SSBP3: variants seen among roughly 807,000 people sequenced by gnomAD.
The protein encoded by SSBP3 is single stranded DNA binding protein 3, also known as single-stranded DNA-binding protein 3.
In SSBP3, 5 loss-of-function variants were observed where a neutral mutation model predicts 69.6. The observed-to-expected ratio is 0.07, with a 90% CI of 0.04 to 0.15. The LOEUF (loss-of-function observed/expected upper bound fraction) is 0.15, where lower values mean the gene tolerates loss of function less well. SSBP3 is among the 10% of genes least tolerant of loss of function. The pLI is 1.00. For synonymous variants in SSBP3, 196 were observed against 193.4 expected (o/e 1.01, Z -0.11); for missense variants, 312 against 534.0 (o/e 0.58, Z 4.10).
intron 4 of SSBP3, among the ~76,000 whole-genome samples, chr1:54,396,973 C>T (rs986742398): frequency 1.3e-5 from 2 of 152,178 alleles, no homozygotes; most frequent in African/African-American, 4.8e-5. Context: ...AGTCTGGCAG[C>T]CTCTGGGGTT....
rs1206796216 is a variant in SSBP3, at chr1:54,240,097, CGCGTGTGCGTGCGCGCGCGCGCGCA to C, written c.856+783_856+807del. Among the ~76,000 whole-genome samples, 77 of 12,636 alleles carry C rather than the reference CGCGTGTGCGTGCGCGCGCGCGCGCA, an allele frequency of 6.1e-3. 5 individuals carry two copies. The South Asian group carries it at 0.19, about 31-fold the overall frequency. 8.3% of individuals were successfully genotyped at this position (12,636 alleles called of 152,430 possible). A position where few individuals can be genotyped will look rare whatever the true frequency, so the allele number is the denominator to read the frequency against. On this transcript the variant is annotated intron_variant, in intron 13 of 17. Coordinates refer to ENST00000610401, the Ensembl canonical transcript of SSBP3. ...GTGTGTGTGTGTGTGTGCGCGCGCGCGCGTGTGCGTGCGCGCGCGCGCGCAACACATGCCCACGTATGTGCACGCA... is the reference window on the plus strand; with the variant it reads ...GTGTGTGTGTGTGTGTGCGCGCGCGCACACATGCCCACGTATGTGCACGCA...
In SSBP3 at chr1:54,258,209, C is replaced by A; in HGVS notation, c.367-60G>T. On this transcript the variant is annotated intron_variant, in intron 5 of 17. Coordinates refer to ENST00000610401, the Ensembl canonical transcript of SSBP3. This position sits in a 1 kb window ranked among gnomAD's most constrained non-coding sequence, Gnocchi z 4.5. ...CACAGCACATGGAGAAGCGCAGAAGCAGCTTAAAAGAACAAAAATTAAACC... is the reference window on the plus strand; with the variant it reads ...CACAGCACATGGAGAAGCGCAGAAGAAGCTTAAAAGAACAAAAATTAAACC... 7.6e-7 allele frequency: 1 copy of A among 1,312,802 alleles called. No homozygotes were observed. The highest frequency in any genetic ancestry group is 1.0e-6 in the Non-Finnish European group (1 of 991,964). The allele number at this position is 1,312,802 out of a possible 1,614,324, so 81.3% of individuals were successfully genotyped here. A position where few individuals can be genotyped will look rare whatever the true frequency, so the allele number is the denominator to read the frequency against.
intron 4 of SSBP3, among the ~76,000 whole-genome samples, chr1:54,312,774 T>A (rs1646026613): frequency 6.6e-6 from 1 of 152,096 alleles, no homozygotes; most frequent in African/African-American, 2.4e-5. Flanking sequence ...CAAGCTTGGG[T>A]CCCACCTGGG....
At chr1:54,274,779 G>C (rs1645254974) in intron 5 of SSBP3, among the ~76,000 whole-genome samples, 1 of 152,080 alleles carries the variant, frequency 6.6e-6, no homozygotes, top group African/African-American at 2.4e-5. Flanking sequence ...CCCTTATTAG[G>C]AACCTTTCAT....
intron 14 of SSBP3, among the ~76,000 whole-genome samples, chr1:54,236,076 A>G (rs1444723967): frequency 2.6e-5 from 4 of 152,134 alleles, no homozygotes; most frequent in Admixed American, 6.5e-5. Flanking sequence ...AGTACTGGCA[A>G]AACAGTATAT....
chr1:54,334,736 G>A (rs1169633457), intron 4 of SSBP3, among the ~76,000 whole-genome samples: 10 of 152,124 alleles, frequency 6.6e-5, no homozygotes, highest in Admixed American at 4.6e-4. Flanking sequence ...TTCTCCTTGC[G>A]GACATGATAC....
chr1:54,408,028 T>G (rs987840974), upstream of SSBP3, among the ~76,000 whole-genome samples: 2 of 152,136 alleles, frequency 1.3e-5, no homozygotes, highest in African/African-American at 4.8e-5. Flanking sequence ...GGAAGGAGAC[T>G]CTGGGTGCAT....
chr1:54,275,376 C>T (rs547408693), intron 5 of SSBP3, among the ~76,000 whole-genome samples: 1 of 152,340 alleles, frequency 6.6e-6, no homozygotes, highest in East Asian at 1.9e-4. Context: ...CCAAGTCTCC[C>T]CTTGTCACAA....
chr1:54,406,058 C>CGCCGCT, exon 1 of SSBP3: 2 of 1,405,330 alleles, frequency 1.4e-6, no homozygotes, highest in Admixed American at 2.7e-5. Context: ...CCGCCGCCGC[C>CGCCGCT]GCTACCGCTC....
intron 5 of SSBP3, among the ~76,000 whole-genome samples, chr1:54,262,074 G>T (rs552068834): frequency 6.6e-6 from 1 of 152,310 alleles, no homozygotes; most frequent in East Asian, 1.9e-4. Context: ...TTTAGATGAA[G>T]AAATAGGGTT....
At chr1:54,288,540 G>A (rs1645533754) in intron 4 of SSBP3, among the ~76,000 whole-genome samples, 1 of 148,154 alleles carries the variant, frequency 6.7e-6, no homozygotes, top group Non-Finnish European at 1.5e-5. Context: ...AAGAGGGGCT[G>A]GAGAAGTGCC....
chr1:54,410,837 T>C (rs1011679040), upstream of SSBP3, among the ~76,000 whole-genome samples: 1 of 152,146 alleles, frequency 6.6e-6, no homozygotes, highest in Non-Finnish European at 1.5e-5. Context: ...TATTAGTCAG[T>C]GTTGGCTGAG....
chr1:54,376,001 G>A (rs1360763595), intron 4 of SSBP3, among the ~76,000 whole-genome samples: 1 of 152,176 alleles, frequency 6.6e-6, no homozygotes, highest in African/African-American at 2.4e-5. Flanking sequence ...GAGGGATACA[G>A]GGCAGGGAGG....
At chr1:54,319,309 G>T (rs180903367) in intron 4 of SSBP3, among the ~76,000 whole-genome samples, 10 of 152,106 alleles carry the variant, frequency 6.6e-5, no homozygotes, top group Admixed American at 6.5e-4. Flanking sequence ...GCACAGTGAC[G>T]GTCACCTTCT....
intron 7 of SSBP3, among the ~76,000 whole-genome samples, chr1:54,254,286 C>A (rs896766430): frequency 7.2e-5 from 11 of 152,288 alleles, no homozygotes; most frequent in Admixed American, 7.2e-4. Context: ...CTGCTGCATC[C>A]GCATGCTCTC....
intron 5 of SSBP3, among the ~76,000 whole-genome samples, chr1:54,259,347 C>T (rs191657817): frequency 1.8e-4 from 28 of 152,210 alleles, no homozygotes; most frequent in Admixed American, 7.8e-4. Flanking sequence ...TCATGAACCC[C>T]GGTTTTGTGT....
Position 54,337,485 on chromosome 1 carries a change from C to CTTTTTTTTTTTTTTTTTT in SSBP3, c.277-55976_277-55959dup, listed in dbSNP as rs869039822. On this transcript the variant is annotated intron_variant, in intron 4 of 17. Transcript: ENST00000610401. ...ACCAAAGCATTTTGTTTTCCTCAAG[C>CTTTTTTTTTTTTTTTTTT]TTTTTTTTTTTTTTTTTTTTTTTTT... Among the ~76,000 whole-genome samples the CTTTTTTTTTTTTTTTTTT allele has an allele frequency of 1.0e-3, 53 of 51,166 alleles. 5 individuals are homozygous for CTTTTTTTTTTTTTTTTTT. The highest frequency in any genetic ancestry group is 4.7e-3 in the East Asian group (5 of 1,070). The allele number at this position is 51,166 out of a possible 152,430, so 33.6% of individuals were successfully genotyped here.
At chr1:54,375,687 G>A (rs1329646038) in intron 4 of SSBP3, among the ~76,000 whole-genome samples, 1 of 152,180 alleles carries the variant, frequency 6.6e-6, no homozygotes, top group Admixed American at 6.5e-5. Context: ...GGTGAGGGGC[G>A]AGCACCTCAG....
chr1:54,243,678 TG>T (rs1289071459), intron 9 of SSBP3, among the ~76,000 whole-genome samples: 2 of 152,156 alleles, frequency 1.3e-5, no homozygotes, highest in African/African-American at 4.8e-5. Flanking sequence ...TGAGAGGCTC[TG>T]AGGTGAGGAG....
Sources: gnomAD v4.1 joint callset for allele counts (sites outside exome capture counted in the v4.1 genomes callset) on GRCh38, gnomAD v4.1.1 for gene constraint, Gnocchi (gnomAD v3.1) non-coding constraint, MANE v1.5 for transcripts, NCBI Gene and HGNC (gene_info 2026-07-23, HGNC 2026-07-21) for gene names.